The following CEP250 variants were observed in gnomAD, a reference collection of about 807,000 sequenced individuals.
The protein encoded by CEP250 is centrosomal protein 250.
Under a neutral mutation model 315.7 loss-of-function variants are expected in CEP250, and 242 were observed. The observed-to-expected ratio is 0.77, with a 90% CI of 0.69 to 0.85. The LOEUF is 0.85. CEP250 is among the 40% of genes least tolerant of loss of function. CEP250 has a pLI of 0.00. For missense variants in CEP250, 2,515 were observed against 2,886.4 expected (o/e 0.87, Z 2.95); for synonymous variants, 1,088 against 1,175.0 (o/e 0.93, Z 1.51).
chr20:35,508,216 C>G (rs1253379185), intron 32 of CEP250, 26 bp downstream of exon 32: 3 of 1,611,754 alleles, frequency 1.9e-6, no homozygotes, highest in African/African-American at 2.7e-5. Context: ...GTCCAGTGGG[C>G]ATGCATCTCC....
chr20:35,478,138 T>C, intron 17 of CEP250, 37 bp downstream of exon 17: 1 of 1,303,052 alleles, frequency 7.7e-7, no homozygotes, highest in Non-Finnish European at 1.1e-6. Context: ...TGTCTAGGTG[T>C]AATATATGCT....
At chr20:35,482,048 AATAGATAGATAGATAGATAGATAGATAG>A (rs35585772) in intron 20 of CEP250, among the ~76,000 whole-genome samples, 5 of 146,112 alleles carry the variant, frequency 3.4e-5, no homozygotes, top group Admixed American at 6.9e-5. Context: ...AGGCTTAAAA[AATAGATAGATAGATAGATAGATAGATAG>A]ATAGATAGAT....
chr20:35,492,732 G>C (rs1452395458), intron 22 of CEP250, among the ~76,000 whole-genome samples: 1 of 152,170 alleles, frequency 6.6e-6, no homozygotes, highest in Non-Finnish European at 1.5e-5. Flanking sequence ...TGGTATGTAT[G>C]TATGTATTTG....
chr20:35,502,021 C>A, intron 29 of CEP250, 55 bp downstream of exon 29: 2 of 1,569,822 alleles, frequency 1.3e-6, no homozygotes, highest in Non-Finnish European at 1.7e-6. Flanking sequence ...TCCCTTGGGC[C>A]CACCTTGGCC....
intron 20 of CEP250, among the ~76,000 whole-genome samples, chr20:35,489,555 A>T (rs1393499225): frequency 6.6e-6 from 1 of 152,216 alleles, no homozygotes; most frequent in Admixed American, 6.5e-5. Context: ...TTAGAAATTG[A>T]GATCATGCTA....
rs993061548 is a variant in CEP250, at chr20:35,511,766, G to A, written c.*140G>A. 6.3e-6 allele frequency: 9 copies of A among 1,426,804 alleles called. No individual in the cohort carries two copies. The African/African-American group carries it at 1.3e-4, about 20-fold the overall frequency. The allele number at this position is 1,426,804 out of a possible 1,614,324, so 88.4% of individuals were successfully genotyped here. ...AGGTCGGCGGGTGTTCCCAGGAAGA[G>A]GAAGTAAATCTGCAACCCTGGGGAG... On this transcript the variant is annotated 3_prime_UTR_variant, in exon 35 of 35. Transcript: ENST00000397527.
rs755424802 is a variant in CEP250 at position 35,473,908 on chromosome 20, G to A, written c.1427G>A (p.Arg476Gln). ...CTGCAGAAGGCCAGGGAAGAGCTGC[G>A]GCAGCAGCTGGAGGTGCTAGAGCAG... Reference protein sequence around the residue: ...ELLQKAREELRQQLEVLEQEA... With the variant: ...ELLQKAREELQQQLEVLEQEA... The change falls in exon 14 of 35, where the codon CGG becomes CAG. Residue 476 changes from arginine (R) to glutamine (Q), a missense_variant. Arg to Gln is a conservative substitution (Grantham distance 43, BLOSUM62 1). Coordinates refer to ENST00000397527, the MANE Select transcript of CEP250 (RefSeq NM_007186.6). The A allele has an allele frequency of 9.3e-6, 15 of 1,612,820 alleles. No homozygotes were observed. The highest frequency in any genetic ancestry group is 6.7e-5 in the Admixed American group (4 of 59,648).
In CEP250 at chr20:35,504,913, C is replaced by T; in HGVS notation, c.6544C>T (p.Gln2182Ter). 6.2e-7 allele frequency: 1 copy of T among 1,614,192 alleles called. No homozygotes were observed. Among genetic ancestry groups the T allele is most frequent in the Non-Finnish European group, 8.5e-7 (1 of 1,180,044 alleles). Residue 2182 changes from glutamine (Q) to a stop codon, truncating the protein, a stop_gained, in exon 30 of 35, where the codon CAG becomes TAG. Coordinates refer to ENST00000397527, the MANE Select transcript of CEP250 (RefSeq NM_007186.6). LOFTEE classifies it high-confidence loss of function. ...CCAGGACTTGGCACTCTCCCTAGCG[C>T]AGACCAAGGCCAGTGTCAGCAGTCT... ...KAQDLALSLAQTKASVSSLQE... is the reference protein window; with the variant it reads ...KAQDLALSLA
intron 10 of CEP250, 157 bp downstream of exon 10, chr20:35,470,143 C>G (rs565493056): frequency 1.6e-6 from 1 of 629,504 alleles, no homozygotes; most frequent in African/African-American, 1.8e-5. Flanking sequence ...TTAATTAACT[C>G]ATTCATTTAT....
chr20:35,496,682 G>C lies in CEP250; in HGVS notation c.3273G>C (p.Glu1091Asp). 6.2e-7 allele frequency: 1 copy of C among 1,614,070 alleles called. No homozygotes were observed. Among genetic ancestry groups the C allele is most frequent in the Non-Finnish European group, 8.5e-7 (1 of 1,179,998 alleles). Residue 1091 changes from glutamate (E) to aspartate (D), a missense_variant, in exon 25 of 35, where the codon GAG becomes GAC. Glu to Asp is a conservative substitution (Grantham distance 45). Coordinates refer to ENST00000397527, the MANE Select transcript of CEP250 (RefSeq NM_007186.6). ...ELSALRQDMQEAQGEQKELSA... is the reference protein window; with the variant it reads ...ELSALRQDMQDAQGEQKELSA... ...GTGCCCTGCGCCAGGACATGCAGGAGGCCCAGGGAGAACAGAAAGAGCTCA... is the reference window on the plus strand; with the variant it reads ...GTGCCCTGCGCCAGGACATGCAGGACGCCCAGGGAGAACAGAAAGAGCTCA...
At chr20:35,506,444 A>G (rs1325596001) in intron 30 of CEP250, among the ~76,000 whole-genome samples, 1 of 152,188 alleles carries the variant, frequency 6.6e-6, no homozygotes, top group African/African-American at 2.4e-5. Context: ...GGTACTGAGC[A>G]CAAGACCTGC....
intron 15 of CEP250, among the ~76,000 whole-genome samples, chr20:35,476,043 T>C (rs2063165238): frequency 6.6e-6 from 1 of 152,236 alleles, no homozygotes. Context: ...ACTCTGCGTG[T>C]ACTTTTCCCT....
chr20:35,479,210 T>A, intron 17 of CEP250, 21 bp from the exon 18 acceptor site: 1 of 1,609,702 alleles, frequency 6.2e-7, no homozygotes, highest in Non-Finnish European at 8.5e-7. Context: ...GCTCCATCTC[T>A]CACCACATTC....
rs995294808 is a variant in CEP250 at position 35,502,086 on chromosome 20, C to T, written c.4020+120C>T. 7.5e-6 allele frequency: 9 copies of T among 1,193,636 alleles called. No individual in the cohort carries two copies. The African/African-American group carries it at 1.1e-4, about 14-fold the overall frequency. 73.9% of individuals were successfully genotyped at this position (1,193,636 alleles called of 1,614,324 possible). ...AGTCTGTCAGTTCCTCTGGCTGTCT[C>T]CATGTCCCTGGGGGCCATTATTCAG... On this transcript the variant is annotated intron_variant, in intron 29 of 34. Transcript: ENST00000397527.
chr20:35,502,982 T>C lies in CEP250; in HGVS notation c.4613T>C (p.Ile1538Thr). 1.2e-6 allele frequency: 2 copies of C among 1,614,072 alleles called. No individual in the cohort carries two copies. Among genetic ancestry groups the C allele is most frequent in the Non-Finnish European group, 1.7e-6 (2 of 1,180,002 alleles). ...LLELEKKDQM[I>T]ESQRGQVQDL... is the part of the protein sequence containing the mutation. ...GAACTTGAGAAGAAAGACCAAATGA[T>C]TGAGTCCCAGAGAGGACAGGTTCAG... The change falls in exon 30 of 35, where the codon ATT becomes ACT. Residue 1538 changes from isoleucine (I) to threonine (T), a missense_variant. By Grantham distance (89) the Ile-to-Thr change is moderately conservative. Transcript: ENST00000397527.
chr20:35,476,022 A>G (rs1312283261), intron 15 of CEP250, among the ~76,000 whole-genome samples: 1 of 152,112 alleles, frequency 6.6e-6, no homozygotes, highest in Non-Finnish European at 1.5e-5. Flanking sequence ...CATGTTCTTC[A>G]TGACTCTAAT....
At position 35,458,964 on chromosome 20, in the gene CEP250, A is replaced by ATT. The variant is rs1332089448; in HGVS notation, c.-227+591_-227+592insTT. On this transcript the variant is annotated intron_variant, in intron 2 of 34. Coordinates refer to ENST00000397527, the MANE Select transcript of CEP250 (RefSeq NM_007186.6). Reference sequence around the variant, plus strand: ...GTATGGTATATTTGCTATAATGCAAATCTTTTTTTTTTTTTTTTTTTTTTT... The same window carrying ATT: ...GTATGGTATATTTGCTATAATGCAAATTTCTTTTTTTTTTTTTTTTTTTTTTT... 3.5e-4 allele frequency among the ~76,000 whole-genome samples: 32 copies of ATT among 91,382 alleles called. 1 individual carries two copies. Among genetic ancestry groups the ATT allele is most frequent in the African/African-American group, 1.1e-3 (24 of 21,286 alleles). 60.0% of individuals were successfully genotyped at this position (91,382 alleles called of 152,430 possible).
intron 20 of CEP250, among the ~76,000 whole-genome samples, chr20:35,482,303 C>T (rs2063371669): frequency 6.6e-6 from 1 of 152,124 alleles, no homozygotes; most frequent in African/African-American, 2.4e-5. Flanking sequence ...GCAATCTTGG[C>T]TCACTGCAAG....
intron 1 of CEP250, 108 bp from the exon 2 acceptor site, chr20:35,458,196 G>C (rs1410864478): frequency 6.6e-6 from 1 of 152,222 alleles, no homozygotes; most frequent in Non-Finnish European, 1.5e-5. Flanking sequence ...TTAGGTGGTA[G>C]TGTTGCTTCT....
Sources: gnomAD v4.1 joint callset for allele counts (sites outside exome capture counted in the v4.1 genomes callset) on GRCh38, gnomAD v4.1.1 for gene constraint, MANE v1.5 for transcripts, NCBI Gene and HGNC (gene_info 2026-07-23, HGNC 2026-07-21) for gene names.